Variants in SMURF1 observed in about 807,000 individuals in gnomAD.
SMURF1 encodes the protein E3 ubiquitin-protein ligase SMURF1.
SMURF1 carries 44 observed loss-of-function variants against 98.0 expected under a neutral mutation model. That is an observed-to-expected ratio of 0.45 (90% CI 0.35 to 0.58). The LOEUF is 0.58. Ranked by LOEUF, SMURF1 falls within the 20% of genes least tolerant of loss-of-function variation. SMURF1 has a pLI of 0.00. For synonymous variants in SMURF1, 396 were observed against 374.9 expected, an observed-to-expected ratio of 1.06 and a Z score of -0.65; for missense variants, 687 against 938.4, an observed-to-expected ratio of 0.73 and a Z score of 3.50.
chr7:99,037,060 C>G lies in SMURF1; in HGVS notation c.1809+7G>C, dbSNP rs1185530406. 1 of 1,613,484 alleles carries G rather than the reference C, an allele frequency of 6.2e-7. No homozygotes were observed. Among genetic ancestry groups the G allele is most frequent in the African/African-American group, 1.3e-5 (1 of 74,904 alleles). On this transcript the variant is annotated splice_region_variant and intron_variant, in intron 15 of 17. Coordinates refer to ENST00000361368, the MANE Select transcript of SMURF1 (RefSeq NM_181349.3). ...CCCTGGGTCGACTCCGCACAGCAGG[C>G]ACATACCTCCAGTTCCTTCTGGTCA...
At chr7:99,109,183 C>T (rs1797267285) in intron 1 of SMURF1, among the ~76,000 whole-genome samples, 1 of 152,194 alleles carries the variant, frequency 6.6e-6, no homozygotes, top group Admixed American at 6.5e-5. Flanking sequence ...TTCCTAGTTT[C>T]CTATTTCTGT....
At chr7:99,058,719 A>C (rs1207926888) in intron 3 of SMURF1, among the ~76,000 whole-genome samples, 2 of 152,210 alleles carry the variant, frequency 1.3e-5, no homozygotes, top group African/African-American at 4.8e-5. Flanking sequence ...GTATTAACTA[A>C]AAGACAATAA....
intron 14 of SMURF1, 94 bp downstream of exon 14, chr7:99,038,293 GA>G (rs1423689744): frequency 2.1e-6 from 3 of 1,415,676 alleles, no homozygotes; most frequent in East Asian, 4.6e-5. Flanking sequence ...AGCCATCAGG[GA>G]CATGCAGGCC....
In SMURF1 at chr7:99,041,388, C is replaced by T. The variant is rs1455814612; in HGVS notation, c.1371+730G>A. On this transcript the variant is annotated intron_variant, in intron 12 of 17. Transcript: ENST00000361368. Reference sequence around the variant, plus strand: ...CTGCACTCCAGCCTGGGGGACACAGCGAGACTCTCTCTCAAAAAAAAGAAA... The same window carrying T: ...CTGCACTCCAGCCTGGGGGACACAGTGAGACTCTCTCTCAAAAAAAAGAAA... Among the ~76,000 whole-genome samples the T allele has an allele frequency of 2.6e-5, 4 of 152,000 alleles. No homozygotes were observed. The South Asian group carries it at 6.2e-4, about 24-fold the overall frequency.
intron 1 of SMURF1, among the ~76,000 whole-genome samples, chr7:99,105,743 G>C (rs1797180319): frequency 6.6e-6 from 1 of 151,978 alleles, no homozygotes; most frequent in African/African-American, 2.4e-5. Context: ...ATTAAATTTT[G>C]GCTGTGTGTG....
rs147672080 is a variant in SMURF1 at position 99,039,657 on chromosome 7, C to T, written c.1550+721G>A. On this transcript the variant is annotated intron_variant, in intron 13 of 17. Transcript: ENST00000361368. ...TGCTGGGATAATAGGCATGAGCCACCGCACCCAGCTGAGTGGAAGATTTTC... is the reference window on the plus strand; with the variant it reads ...TGCTGGGATAATAGGCATGAGCCACTGCACCCAGCTGAGTGGAAGATTTTC... 6.6e-3 allele frequency among the ~76,000 whole-genome samples: 998 copies of T among 152,184 alleles called. 6 individuals are homozygous for T. The highest frequency in any genetic ancestry group is 0.011 in the Non-Finnish European group (743 of 68,008).
In SMURF1 at chr7:99,030,173, G is replaced by A. The variant is rs1433396520; in HGVS notation, c.*411C>T. 1.2e-5 allele frequency: 2 copies of A among 164,372 alleles called. No homozygotes were observed. Among genetic ancestry groups the A allele is most frequent in the African/African-American group, 2.4e-5 (1 of 41,824 alleles). 10.2% of individuals were successfully genotyped at this position (164,372 alleles called of 1,614,324 possible). On this transcript the variant is annotated 3_prime_UTR_variant, in exon 18 of 18. Transcript: ENST00000361368. ...AGGGGCCTCAAGGCTGTTTTGAGAT[G>A]GAATAGCTGGCATAGCCACCAGTTC...
intron 1 of SMURF1, among the ~76,000 whole-genome samples, chr7:99,133,855 A>G (rs991259861): frequency 2.2e-4 from 33 of 152,372 alleles, no homozygotes; most frequent in African/African-American, 7.5e-4. Flanking sequence ...ACATAACAAT[A>G]CGGATAAATC....
chr7:99,055,274 C>T (rs1452907783), intron 5 of SMURF1, among the ~76,000 whole-genome samples: 2 of 151,338 alleles, frequency 1.3e-5, no homozygotes, highest in Admixed American at 6.6e-5. Flanking sequence ...TTGAGACCAG[C>T]CTGGGCAACA....
rs756838713 is a variant in SMURF1 at position 99,143,821 on chromosome 7, G to A, written c.-41C>T. 2.0e-6 allele frequency: 3 copies of A among 1,467,124 alleles called. No homozygotes were observed. Among genetic ancestry groups the A allele is most frequent in the East Asian group, 3.2e-5 (1 of 31,124 alleles). 90.9% of individuals were successfully genotyped at this position (1,467,124 alleles called of 1,614,324 possible). A position where few individuals can be genotyped will look rare whatever the true frequency, so the allele number is the denominator to read the frequency against. ...GGGCAGCCGCGGATCCAGCGCCACC[G>A]CCCCCCAGCCCGGCCCGGCCCGGCC... On this transcript the variant is annotated 5_prime_UTR_variant, in exon 1 of 18. Coordinates refer to ENST00000361368, the MANE Select transcript of SMURF1 (RefSeq NM_181349.3).
At chr7:99,093,468 G>C (rs1357093713) in intron 1 of SMURF1, among the ~76,000 whole-genome samples, 2 of 151,796 alleles carry the variant, frequency 1.3e-5, no homozygotes, top group East Asian at 3.9e-4. Flanking sequence ...AGATTCTCCT[G>C]GAATTTATCA....
intron 1 of SMURF1, among the ~76,000 whole-genome samples, chr7:99,073,844 C>A (rs141496269): frequency 3.6e-4 from 54 of 151,740 alleles, no homozygotes; most frequent in African/African-American, 1.2e-3. Context: ...CAGATACATG[C>A]TCACCATGTA....
At chr7:99,050,484 G>A (rs767334383) in intron 8 of SMURF1, 2 of 157,728 alleles carry the variant, frequency 1.3e-5, no homozygotes, top group Admixed American at 6.1e-5. Flanking sequence ...GCAGCAGGAC[G>A]AGGCATTCTC....
intron 1 of SMURF1, among the ~76,000 whole-genome samples, chr7:99,137,144 A>G (rs2150651814): frequency 6.6e-6 from 1 of 152,286 alleles, no homozygotes; most frequent in East Asian, 1.9e-4. Context: ...GATTTTCTTC[A>G]ATGTCAAAGT....
chr7:99,051,583 C>T, intron 7 of SMURF1, 142 bp from the exon 8 acceptor site: 1 of 682,692 alleles, frequency 1.5e-6, no homozygotes, highest in Non-Finnish European at 2.6e-6. Context: ...TCTGAGGTGG[C>T]CGAATAATCC....
intron 14 of SMURF1, among the ~76,000 whole-genome samples, chr7:99,037,482 G>A (rs1032937933): frequency 2.6e-5 from 4 of 152,110 alleles, no homozygotes; most frequent in Admixed American, 1.3e-4. Context: ...CAGGTGATCC[G>A]CCCGCCTCGG....
chr7:99,037,601 C>T (rs1036726366), intron 14 of SMURF1, among the ~76,000 whole-genome samples: 3 of 152,340 alleles, frequency 2.0e-5, no homozygotes, highest in South Asian at 2.1e-4. Context: ...CCCCACTCCC[C>T]GGATCTCTCC....
Position 99,059,432 on chromosome 7 carries a change from T to TAAAA in SMURF1, c.203+1163_203+1166dup. On this transcript the variant is annotated intron_variant, in intron 3 of 17. Coordinates refer to ENST00000361368, the MANE Select transcript of SMURF1 (RefSeq NM_181349.3). ...TAAAATAAAATAAAATAAAATAAAATAAAATAAAATAAAATAAAATAAAAT... is the reference window on the plus strand; with the variant it reads ...TAAAATAAAATAAAATAAAATAAAATAAAAAAAATAAAATAAAATAAAATAAAAT... 1.6e-5 allele frequency among the ~76,000 whole-genome samples: 2 copies of TAAAA among 124,988 alleles called. 1 individual carries two copies. The highest frequency in any genetic ancestry group is 5.4e-5 in the African/African-American group (2 of 36,726). The allele number at this position is 124,988 out of a possible 152,430, so 82.0% of individuals were successfully genotyped here.
At chr7:99,118,863 T>C (rs558823596) in intron 1 of SMURF1, among the ~76,000 whole-genome samples, 1 of 152,244 alleles carries the variant, frequency 6.6e-6, no homozygotes, top group East Asian at 1.9e-4. Context: ...TTCCTATTTA[T>C]TTCTGCATTG....
Sources: allele counts gnomAD v4.1 joint callset (sites outside exome capture counted in the v4.1 genomes callset), GRCh38; gene constraint gnomAD v4.1.1; transcripts MANE v1.5; gene names NCBI Gene and HGNC (gene_info 2026-07-23, HGNC 2026-07-21).